ITK: variants seen among roughly 807,000 people sequenced by gnomAD.
ITK encodes tyrosine-protein kinase ITK/TSK.
Under a neutral mutation model 87.6 loss-of-function variants are expected in ITK, and 45 were observed. That is an observed-to-expected ratio of 0.51 (90% CI 0.40 to 0.66). The LOEUF (loss-of-function observed/expected upper bound fraction) is 0.66. Among genes scored for constraint, ITK ranks in the 30% least tolerant of loss-of-function variants. ITK has a pLI of 0.00. For synonymous variants in ITK, 303 were observed against 273.6 expected (o/e 1.11, Z -1.06); for missense variants, 605 against 766.3 (o/e 0.79, Z 2.48).
chr5:157,238,327 C>CCAA lies in ITK; in HGVS notation c.851+136_851+137insCAA, dbSNP rs1561662567. ...AATGGTCTGTTTTCCCTCTTTACTC[C>CCAA]GAGAAAACCAAAGCCATGGAGATCA... is the stretch of plus-strand genomic sequence containing the variant. On this transcript the variant is annotated intron_variant, in intron 9 of 16. Coordinates refer to ENST00000422843, the MANE Select transcript of ITK (RefSeq NM_005546.4). 4.1e-6 allele frequency: 3 copies of CCAA among 728,878 alleles called. No homozygotes were observed. The African/African-American group carries it at 5.2e-5, about 13-fold the overall frequency. The allele number at this position is 728,878 out of a possible 1,614,324, so 45.2% of individuals were successfully genotyped here.
chr5:157,232,447 T>A, intron 8 of ITK, 53 bp downstream of exon 8: 1 of 973,860 alleles, frequency 1.0e-6, no homozygotes, highest in Non-Finnish European at 1.6e-6. Flanking sequence ...TTAAGTGCAC[T>A]GTCTCATGTC....
intron 16 of ITK, among the ~76,000 whole-genome samples, chr5:157,251,459 TCTCTTG>T (rs1755137763): frequency 6.6e-6 from 1 of 152,228 alleles, no homozygotes; most frequent in Non-Finnish European, 1.5e-5. Context: ...GTCTTCTCAT[TCTCTTG>T]ACAGTGTCTT....
intron 2 of ITK, among the ~76,000 whole-genome samples, chr5:157,209,383 C>T (rs1580885787): frequency 6.6e-6 from 1 of 151,528 alleles, no homozygotes; most frequent in Non-Finnish European, 1.5e-5. Context: ...ACACGGATGA[C>T]TCTCTGCCTC....
At chr5:157,215,882 C>A (rs780580176) in intron 4 of ITK, among the ~76,000 whole-genome samples, 7 of 152,162 alleles carry the variant, frequency 4.6e-5, no homozygotes, top group African/African-American at 1.7e-4. Context: ...CTCTTCGGGG[C>A]GCAAGTATTT....
rs1303771266 is a variant in ITK, at chr5:157,254,629, TC to T, written c.*1952del. ...GAGCCTCAAGATAAAACTCTGTCAT[TC>T]AGAAGATGATTTTACTCAGCTTATC... On this transcript the variant is annotated 3_prime_UTR_variant, in exon 17 of 17. Transcript: ENST00000422843. The T allele has an allele frequency of 1.8e-5, 4 of 217,998 alleles. No homozygotes were observed. Among genetic ancestry groups the T allele is most frequent in the Non-Finnish European group, 2.8e-5 (3 of 108,570 alleles). 13.5% of individuals were successfully genotyped at this position (217,998 alleles called of 1,614,324 possible).
rs1755217801 is a variant in ITK at position 157,254,753 on chromosome 5, A to G, written c.*2075A>G. 1 of 218,214 alleles carries G rather than the reference A, an allele frequency of 4.6e-6. No individual in the cohort carries two copies. The allele number at this position is 218,214 out of a possible 1,614,324, so 13.5% of individuals were successfully genotyped here. On this transcript the variant is annotated 3_prime_UTR_variant, in exon 17 of 17. Transcript: ENST00000422843. Reference sequence around the variant, plus strand: ...GGAACATTCAGTCTAGAAAGAAAACATTGGAATTGACTGATCTCTGTGGTT... The same window carrying G: ...GGAACATTCAGTCTAGAAAGAAAACGTTGGAATTGACTGATCTCTGTGGTT...
chr5:157,213,107 T>C (rs30136), intron 3 of ITK, among the ~76,000 whole-genome samples: 39,424 of 152,100 alleles, frequency 0.26, 5,474 homozygotes, highest in Non-Finnish European at 0.31. Context: ...CTCACAGTTC[T>C]GTATGGCTGG....
intron 4 of ITK, among the ~76,000 whole-genome samples, chr5:157,216,317 C>G (rs759760121): frequency 1.3e-5 from 2 of 152,066 alleles, no homozygotes; most frequent in Admixed American, 1.3e-4. Flanking sequence ...CTCTGAGCCT[C>G]TAAGAGCATT....
intron 6 of ITK, 80 bp from the exon 7 acceptor site, chr5:157,228,216 G>T: frequency 1.1e-6 from 1 of 879,958 alleles, no homozygotes; most frequent in South Asian, 1.4e-5. Flanking sequence ...ATCTTTAAAT[G>T]ACTTTTAATG....
At chr5:157,187,984 A>G (rs1753679677) in intron 1 of ITK, among the ~76,000 whole-genome samples, 2 of 152,054 alleles carry the variant, frequency 1.3e-5, no homozygotes, top group Non-Finnish European at 2.9e-5. Flanking sequence ...AAAAATTTAT[A>G]GAGACAGGGT....
chr5:157,232,394 A>G lies in ITK; in HGVS notation c.768A>G (p.Thr256=). The G allele has an allele frequency of 6.3e-7, 1 of 1,598,064 alleles. No individual in the cohort carries two copies. The highest frequency in any genetic ancestry group is 8.6e-7 in the Non-Finnish European group (1 of 1,166,006). ...AAGCTGAAAAACTTCTTTTGGACAC[A>G]GTAAGTCTCCTTAACCTGTCTTTTG... ...RDKAEKLLLD[T]GKEGAFMVRD... Residue 256 remains threonine, a splice_region_variant and synonymous_variant, in exon 8 of 17, where the codon ACA becomes ACG. Coordinates refer to ENST00000422843, the MANE Select transcript of ITK (RefSeq NM_005546.4).
chr5:157,236,726 T>A (rs984007014), intron 8 of ITK, among the ~76,000 whole-genome samples: 8 of 152,188 alleles, frequency 5.3e-5, no homozygotes, highest in Non-Finnish European at 8.8e-5. Context: ...TCAGATTTTT[T>A]AATTTCCACC....
chr5:157,248,752 T>A lies in ITK; in HGVS notation c.1634-98T>A, dbSNP rs544542245. ...TGCACTTCTGGAGGTAGCACATGAA[T>A]CCTAATGCAAGGAGTCTGTAATTTC... On this transcript the variant is annotated intron_variant, in intron 15 of 16. Coordinates refer to ENST00000422843, the MANE Select transcript of ITK (RefSeq NM_005546.4). 4.5e-5 allele frequency: 61 copies of A among 1,349,560 alleles called. No homozygotes were observed. The African/African-American group carries it at 7.4e-4, about 16-fold the overall frequency. The allele number at this position is 1,349,560 out of a possible 1,614,324, so 83.6% of individuals were successfully genotyped here.
intron 6 of ITK, among the ~76,000 whole-genome samples, chr5:157,224,966 T>C (rs1408488013): frequency 1.3e-5 from 2 of 152,084 alleles, no homozygotes; most frequent in Non-Finnish European, 1.5e-5. Context: ...TACAAACATA[T>C]ATATATGATA....
chr5:157,184,526 G>A (rs1561644842), intron 1 of ITK, among the ~76,000 whole-genome samples: 1 of 152,156 alleles, frequency 6.6e-6, no homozygotes, highest in Non-Finnish European at 1.5e-5. Flanking sequence ...GGAAAATGGA[G>A]AGCCTCAGGC....
In ITK at chr5:157,181,045, C is replaced by G; in HGVS notation, c.68C>G (p.Pro23Arg). 2 of 1,613,926 alleles carry G rather than the reference C, an allele frequency of 1.2e-6. No homozygotes were observed. Among genetic ancestry groups the G allele is most frequent in the Non-Finnish European group, 1.7e-6 (2 of 1,179,794 alleles). ...KKSQQKRRTS[P>R]SNFKVRFFVL... Reference sequence around the variant, plus strand: ...TCCCAACAAAAGAGAAGAACTTCTCCCTCGAACTTTAAAGTCCGCTTCTTT... The same window carrying G: ...TCCCAACAAAAGAGAAGAACTTCTCGCTCGAACTTTAAAGTCCGCTTCTTT... Residue 23 changes from proline (P) to arginine (R), a missense_variant, in exon 1 of 17, where the codon CCC (proline) becomes CGC (arginine). By Grantham distance (103) the Pro-to-Arg change is moderately radical. Transcript: ENST00000422843.
chr5:157,233,712 G>A (rs1461296947), intron 8 of ITK, among the ~76,000 whole-genome samples: 1 of 151,966 alleles, frequency 6.6e-6, no homozygotes. Flanking sequence ...ATTGAGTGGA[G>A]TGCAAAATTA....
intron 1 of ITK, among the ~76,000 whole-genome samples, chr5:157,181,663 C>G (rs1263913054): frequency 7.9e-5 from 12 of 152,158 alleles, no homozygotes; most frequent in African/African-American, 2.9e-4. Context: ...TAAGATTTCC[C>G]AGGCATTTAA....
intron 1 of ITK, among the ~76,000 whole-genome samples, chr5:157,201,900 G>A (rs943788963): frequency 1.3e-5 from 2 of 152,096 alleles, no homozygotes; most frequent in Admixed American, 6.5e-5. Context: ...TAGGTAAATT[G>A]CATGTTGCAG....
Sources: allele counts gnomAD v4.1 joint callset (sites outside exome capture counted in the v4.1 genomes callset), GRCh38; gene constraint gnomAD v4.1.1; transcripts MANE v1.5; gene names NCBI Gene and HGNC (gene_info 2026-07-23, HGNC 2026-07-21).